SLC35E1: variants seen among roughly 807,000 people sequenced by gnomAD.
SLC35E1 encodes the protein solute carrier family 35 member E1.
A neutral mutation model predicts 31.0 loss-of-function variants in SLC35E1; 12 were observed. The observed-to-expected ratio is 0.39, with a 90% CI of 0.25 to 0.63. The LOEUF (loss-of-function observed/expected upper bound fraction) is 0.63. Among genes scored for constraint, SLC35E1 ranks in the 20% least tolerant of loss-of-function variants. The pLI is 0.52. For synonymous variants in SLC35E1, 257 were observed against 264.1 expected, an observed-to-expected ratio of 0.97 and a Z score of 0.26; for missense variants, 429 against 572.2, an observed-to-expected ratio of 0.75 and a Z score of 2.55.
intron 4 of SLC35E1, among the ~76,000 whole-genome samples, chr19:16,557,468 C>T (rs1326871122): frequency 6.6e-6 from 1 of 152,170 alleles, no homozygotes; most frequent in East Asian, 1.9e-4. Context: ...GCTGGGATTA[C>T]TGGCATGAGC....
rs897916347 is a variant in SLC35E1, at chr19:16,572,372, G to A, written c.-8C>T. 75 of 1,003,556 alleles carry A rather than the reference G, an allele frequency of 7.5e-5. No individual in the cohort carries two copies. Among genetic ancestry groups the A allele is most frequent in the Non-Finnish European group, 8.7e-5 (73 of 842,120 alleles). The allele number at this position is 1,003,556 out of a possible 1,614,324, so 62.2% of individuals were successfully genotyped here. On this transcript the variant is annotated 5_prime_UTR_variant, in exon 1 of 6. Transcript: ENST00000595753. The surrounding 1 kb of genome is among the most constrained non-coding windows in gnomAD (Gnocchi z 4.1). ...CACCGCGGCCGCCGCCATCCTGCCC[G>A]AGCGGCCGCCCCTTCCAGCCCGTCC...
chr19:16,562,824 T>C (rs2085913815), intron 4 of SLC35E1, among the ~76,000 whole-genome samples: 1 of 152,148 alleles, frequency 6.6e-6, no homozygotes. Context: ...TCTTCCCACC[T>C]CAGGCTCCCA....
Position 16,555,447 on chromosome 19 carries a change from C to G in SLC35E1, c.757-50G>C. 1 of 1,595,100 alleles carries G rather than the reference C, an allele frequency of 6.3e-7. No homozygotes were observed. The highest frequency in any genetic ancestry group is 1.3e-5 in the African/African-American group (1 of 74,692). On this transcript the variant is annotated intron_variant, in intron 4 of 5. Coordinates refer to ENST00000595753, the MANE Select transcript of SLC35E1 (RefSeq NM_024881.5). This position sits in a 1 kb window ranked among gnomAD's most constrained non-coding sequence, Gnocchi z 4.1. ...AGCACTTCAGTGGGCAGCGGTGACC[C>G]TGCCTCCCTGTATCCACCTGGCAGG...
rs376710881 is a variant in SLC35E1 at position 16,553,857 on chromosome 19, G to A, written c.1055C>T (p.Thr352Ile). The A allele has an allele frequency of 2.3e-4, 367 of 1,613,648 alleles. 2 individuals carry two copies. The highest frequency in any genetic ancestry group is 1.9e-3 in the South Asian group (174 of 91,026). Residue 352 changes from threonine to isoleucine, a missense_variant, in exon 6 of 6, where the codon ACA becomes ATA. Coordinates refer to ENST00000595753, the MANE Select transcript of SLC35E1 (RefSeq NM_024881.5). ...ACGCTCCTTGCTGCTCAGGTCTGCTGTGGTGACGGGGAGGAGGTGCTTCCT... is the reference window on the plus strand; with the variant it reads ...ACGCTCCTTGCTGCTCAGGTCTGCTATGGTGACGGGGAGGAGGTGCTTCCT... ...QARKHLLPVT[T>I]ADLSSKERHR... is the part of the protein sequence containing the mutation.
chr19:16,555,415 T>A lies in SLC35E1; in HGVS notation c.757-18A>T, dbSNP rs777152819. The A allele has an allele frequency of 9.3e-6, 15 of 1,611,232 alleles. No individual in the cohort carries two copies. The South Asian group carries it at 1.6e-4, about 18-fold the overall frequency. On this transcript the variant is annotated intron_variant, in intron 4 of 5. Coordinates refer to ENST00000595753, the MANE Select transcript of SLC35E1 (RefSeq NM_024881.5). This position sits in a 1 kb window ranked among gnomAD's most constrained non-coding sequence, Gnocchi z 4.1. ...ACGTAGGTCTGCAGAGACCGGAAGG[T>A]AAAGACAGCACTTCAGTGGGCAGCG...
chr19:16,569,286 G>C (rs181982006), intron 2 of SLC35E1, among the ~76,000 whole-genome samples: 1 of 152,278 alleles, frequency 6.6e-6, no homozygotes, highest in African/African-American at 2.4e-5. Flanking sequence ...GCCTCCCAAA[G>C]TGCTGGGATT....
chr19:16,566,287 G>A (rs2085931901), intron 4 of SLC35E1: 2 of 475,266 alleles, frequency 4.2e-6, no homozygotes, highest in East Asian at 3.7e-5. Flanking sequence ...CGCTACTGGC[G>A]CACACACAGC....
chr19:16,553,629 G>T lies in SLC35E1; in HGVS notation c.*50C>A. ...ATTGTCAGAAGTTTCTGATACTGCT[G>T]TGGGGGCCGGGGAAGGAGTCACCAA... On this transcript the variant is annotated 3_prime_UTR_variant, in exon 6 of 6. Transcript: ENST00000595753. 7.1e-7 allele frequency: 1 copy of T among 1,403,004 alleles called. No homozygotes were observed. The highest frequency in any genetic ancestry group is 1.4e-5 in the African/African-American group (1 of 69,116). The allele number at this position is 1,403,004 out of a possible 1,614,324, so 86.9% of individuals were successfully genotyped here. A position where few individuals can be genotyped will look rare whatever the true frequency, so the allele number is the denominator to read the frequency against.
chr19:16,553,546 C>G lies in SLC35E1; in HGVS notation c.*133G>C. On this transcript the variant is annotated 3_prime_UTR_variant, in exon 6 of 6. Coordinates refer to ENST00000595753, the MANE Select transcript of SLC35E1 (RefSeq NM_024881.5). ...TGCGGCTCACGGGGGGCCAGGAACC[C>G]CAGGGCTTCTGATGGAGAGTTATGC... 1 of 844,384 alleles carries G rather than the reference C, an allele frequency of 1.2e-6. No individual in the cohort carries two copies. 52.3% of individuals were successfully genotyped at this position (844,384 alleles called of 1,614,324 possible).
chr19:16,568,140 G>A lies in SLC35E1; in HGVS notation c.522C>T (p.Ser174=), dbSNP rs564595156. The change falls in exon 3 of 6, where the codon AGC becomes AGT. Residue 174 remains serine, a synonymous_variant. Coordinates refer to ENST00000595753, the MANE Select transcript of SLC35E1 (RefSeq NM_024881.5). ...CGGTGACGGTGGCCAGCAGGACACC[G>A]CTGATGATGGGGATGAGTGACAAGT... ...KVYLSLIPII[S]GVLLATVTEL... is the part of the protein sequence containing the mutation. The A allele has an allele frequency of 1.8e-5, 29 of 1,612,974 alleles. No homozygotes were observed. The South Asian group carries it at 2.3e-4, about 13-fold the overall frequency.
intron 4 of SLC35E1, among the ~76,000 whole-genome samples, chr19:16,563,195 G>T (rs2085915694): frequency 6.6e-6 from 1 of 152,132 alleles, no homozygotes; most frequent in Admixed American, 6.5e-5. Flanking sequence ...GCGGTGGTGG[G>T]TGTCTGTAGT....
intron 2 of SLC35E1, among the ~76,000 whole-genome samples, chr19:16,569,194 T>C (rs1430457571): frequency 6.6e-6 from 1 of 152,082 alleles, no homozygotes; most frequent in African/African-American, 2.4e-5. Context: ...CCAACTAATT[T>C]TTGTATTTTT....
chr19:16,554,930 C>T (rs1220462668), intron 5 of SLC35E1, among the ~76,000 whole-genome samples: 3 of 151,970 alleles, frequency 2.0e-5, no homozygotes. Flanking sequence ...GGAGGGAAAA[C>T]CCCAGCTGAG....
intron 1 of SLC35E1, 147 bp from the exon 2 acceptor site, chr19:16,571,729 G>A (rs1210333446): frequency 2.1e-6 from 2 of 964,538 alleles, no homozygotes; most frequent in Non-Finnish European, 3.2e-6. Flanking sequence ...TGCCACGGCT[G>A]TTGTGGTCTG....
At chr19:16,557,335 A>G (rs1599316575) in intron 4 of SLC35E1, among the ~76,000 whole-genome samples, 1 of 151,932 alleles carries the variant, frequency 6.6e-6, no homozygotes, top group Non-Finnish European at 1.5e-5. Flanking sequence ...CCGGGACTAC[A>G]GGCGCCCGCC....
intron 4 of SLC35E1, among the ~76,000 whole-genome samples, chr19:16,556,291 G>A (rs2085874753): frequency 6.8e-6 from 1 of 148,028 alleles, no homozygotes; most frequent in East Asian, 2.0e-4. Flanking sequence ...GGAGGCTAAG[G>A]AAAAAAAATC....
rs1230870045 is a variant in SLC35E1, at chr19:16,572,393, C to G, written c.-29G>C. 5.0e-6 allele frequency: 5 copies of G among 992,536 alleles called. No individual in the cohort carries two copies. The highest frequency in any genetic ancestry group is 1.1e-4 in the East Asian group (1 of 9,022). 61.5% of individuals were successfully genotyped at this position (992,536 alleles called of 1,614,324 possible). On this transcript the variant is annotated 5_prime_UTR_variant, in exon 1 of 6. Coordinates refer to ENST00000595753, the MANE Select transcript of SLC35E1 (RefSeq NM_024881.5). This position sits in a 1 kb window ranked among gnomAD's most constrained non-coding sequence, Gnocchi z 4.1. Reference sequence around the variant, plus strand: ...GCCCGAGCGGCCGCCCCTTCCAGCCCGTCCGACGGCCCGACGCCGGGCGGG... The same window carrying G: ...GCCCGAGCGGCCGCCCCTTCCAGCCGGTCCGACGGCCCGACGCCGGGCGGG...
At position 16,553,092 on chromosome 19, in the gene SLC35E1, G is replaced by A. The variant is rs2085853921; in HGVS notation, c.*587C>T. On this transcript the variant is annotated 3_prime_UTR_variant, in exon 6 of 6. Coordinates refer to ENST00000595753, the MANE Select transcript of SLC35E1 (RefSeq NM_024881.5). Reference sequence around the variant, plus strand: ...AACATTTGCCAGGAACTTGTGAACTGCTAAGGGGATGACCAGGAAACTGGA... The same window carrying A: ...AACATTTGCCAGGAACTTGTGAACTACTAAGGGGATGACCAGGAAACTGGA... 1 of 152,274 alleles carries A rather than the reference G, an allele frequency of 6.6e-6. No homozygotes were observed. Among genetic ancestry groups the A allele is most frequent in the Admixed American group, 6.5e-5 (1 of 15,282 alleles). The allele number at this position is 152,274 out of a possible 1,614,324, so 9.4% of individuals were successfully genotyped here.
At chr19:16,568,569 C>A (rs1291134450) in intron 2 of SLC35E1, among the ~76,000 whole-genome samples, 1 of 152,152 alleles carries the variant, frequency 6.6e-6, no homozygotes, top group Non-Finnish European at 1.5e-5. Context: ...CTCGCTCTGT[C>A]GCCCAGGCTG....
Sources: gnomAD v4.1 joint callset for allele counts (sites outside exome capture counted in the v4.1 genomes callset) on GRCh38, gnomAD v4.1.1 for gene constraint, Gnocchi (gnomAD v3.1) non-coding constraint, MANE v1.5 for transcripts, NCBI Gene and HGNC (gene_info 2026-07-23, HGNC 2026-07-21) for gene names.